PTPRK: variants seen among roughly 807,000 people sequenced by gnomAD.
The protein encoded by PTPRK is receptor-type tyrosine-protein phosphatase kappa.
PTPRK carries 75 observed loss-of-function variants against 178.0 expected under a neutral mutation model. That is an observed-to-expected ratio of 0.42 (90% CI 0.35 to 0.51). PTPRK has a LOEUF of 0.51. Among genes scored for constraint, PTPRK ranks in the 20% least tolerant of loss-of-function variants. The pLI is 0.02. For missense variants in PTPRK, 1,441 were observed against 1,797.8 expected (o/e 0.80, Z 3.59); for synonymous variants, 637 against 620.6 (o/e 1.03, Z -0.39).
intron 13 of PTPRK, among the ~76,000 whole-genome samples, chr6:128,052,220 C>T (rs1779133109): frequency 6.6e-6 from 1 of 152,154 alleles, no homozygotes; most frequent in Non-Finnish European, 1.5e-5. Flanking sequence ...TAAGTGACTG[C>T]CCTGATGCCT....
intron 2 of PTPRK, among the ~76,000 whole-genome samples, chr6:128,338,931 C>T (rs1319287110): frequency 2.0e-5 from 3 of 152,074 alleles, no homozygotes; most frequent in Non-Finnish European, 4.4e-5. Flanking sequence ...TGAGACATCC[C>T]AGCAAAGATG....
chr6:128,146,408 A>ATG lies in PTPRK; in HGVS notation c.1162+38022_1162+38023dup, dbSNP rs978230399. On this transcript the variant is annotated intron_variant, in intron 7 of 29. Coordinates refer to ENST00000368226, the MANE Select transcript of PTPRK (RefSeq NM_002844.4). ...TACCATACTGTTTGTGTGTGTGTTT[A>ATG]TGTGTGTGTGTGTTTATGTGTGTGT... 8.9e-5 allele frequency among the ~76,000 whole-genome samples: 13 copies of ATG among 145,282 alleles called. No individual in the cohort carries two copies. The East Asian group carries it at 2.0e-3, about 23-fold the overall frequency.
chr6:128,378,047 C>T (rs74885763), intron 2 of PTPRK, among the ~76,000 whole-genome samples: 6 of 151,998 alleles, frequency 3.9e-5, no homozygotes, highest in African/African-American at 7.2e-5. Context: ...CTGTGTTTCA[C>T]AAATCTTCAC....
chr6:128,506,302 AT>A (rs1051878525), intron 1 of PTPRK, among the ~76,000 whole-genome samples: 75 of 152,252 alleles, frequency 4.9e-4, no homozygotes, highest in African/African-American at 1.6e-3. Context: ...TTTCTGGTCA[AT>A]TCTTATTTTA....
chr6:128,493,205 G>A (rs1329380192), intron 1 of PTPRK, among the ~76,000 whole-genome samples: 1 of 152,064 alleles, frequency 6.6e-6, no homozygotes, highest in Non-Finnish European at 1.5e-5. Context: ...CTAAAAACTG[G>A]AAATTAAAAC....
intron 7 of PTPRK, among the ~76,000 whole-genome samples, chr6:128,095,299 T>C (rs1787732896): frequency 6.6e-6 from 1 of 152,218 alleles, no homozygotes; most frequent in South Asian, 2.1e-4. Context: ...TATACATTTA[T>C]AAATTGTCAA....
At chr6:128,380,229 T>G (rs1319575205) in intron 2 of PTPRK, among the ~76,000 whole-genome samples, 1 of 151,980 alleles carries the variant, frequency 6.6e-6, no homozygotes, top group African/African-American at 2.4e-5. Flanking sequence ...ATAAAGAATT[T>G]TACATCCTTT....
At chr6:128,142,236 C>A (rs1160947859) in intron 7 of PTPRK, among the ~76,000 whole-genome samples, 1 of 151,914 alleles carries the variant, frequency 6.6e-6, no homozygotes, top group East Asian at 1.9e-4. Flanking sequence ...CCTTTCAGAA[C>A]AAAGTCTCAA....
At chr6:128,049,652 AT>A (rs753033928) in intron 13 of PTPRK, among the ~76,000 whole-genome samples, 5 of 152,148 alleles carry the variant, frequency 3.3e-5, no homozygotes, top group Non-Finnish European at 7.4e-5. Flanking sequence ...TATAATTTAT[AT>A]ATTTGCATGA....
chr6:128,474,292 T>A (rs1851099298), intron 1 of PTPRK, among the ~76,000 whole-genome samples: 2 of 151,950 alleles, frequency 1.3e-5, no homozygotes, highest in Non-Finnish European at 2.9e-5. Flanking sequence ...ATCAAATAGA[T>A]GAAGGGTTCT....
At chr6:128,153,650 C>T (rs186789755) in intron 7 of PTPRK, among the ~76,000 whole-genome samples, 13 of 151,954 alleles carry the variant, frequency 8.6e-5, no homozygotes. Context: ...ATATACTGCC[C>T]TCCCCTTCAA....
At chr6:128,373,984 A>G (rs1187137670) in intron 2 of PTPRK, among the ~76,000 whole-genome samples, 2 of 152,130 alleles carry the variant, frequency 1.3e-5, no homozygotes, top group Admixed American at 6.6e-5. Flanking sequence ...TGTAGCCCCC[A>G]TCCTCTGATT....
intron 1 of PTPRK, among the ~76,000 whole-genome samples, chr6:128,505,517 C>T (rs989517456): frequency 6.6e-6 from 1 of 152,052 alleles, no homozygotes; most frequent in African/African-American, 2.4e-5. Flanking sequence ...CCACCGCAAT[C>T]ACAAAGAAGA....
intron 3 of PTPRK, among the ~76,000 whole-genome samples, chr6:128,245,680 G>A (rs1257796581): frequency 1.3e-5 from 2 of 152,230 alleles, no homozygotes; most frequent in East Asian, 1.9e-4. Flanking sequence ...ATGAACACAG[G>A]AGGGTGTGCA....
intron 7 of PTPRK, among the ~76,000 whole-genome samples, chr6:128,128,473 C>A (rs1404448539): frequency 6.6e-6 from 1 of 152,144 alleles, no homozygotes; most frequent in Admixed American, 6.5e-5. Flanking sequence ...GCCGTCAATT[C>A]TCTTCCCTTG....
chr6:128,280,073 A>C (rs1229368287), intron 3 of PTPRK, among the ~76,000 whole-genome samples: 1 of 152,178 alleles, frequency 6.6e-6, no homozygotes, highest in African/African-American at 2.4e-5. Context: ...GAATAATATC[A>C]ACAGAAACAA....
intron 1 of PTPRK, among the ~76,000 whole-genome samples, chr6:128,442,709 A>G (rs1290636629): frequency 6.6e-6 from 1 of 152,222 alleles, no homozygotes; most frequent in Non-Finnish European, 1.5e-5. Context: ...TTGTGCAAAA[A>G]TGGTAGTACA....
At chr6:128,238,827 A>G (rs527593591) in intron 5 of PTPRK, among the ~76,000 whole-genome samples, 1 of 152,312 alleles carries the variant, frequency 6.6e-6, no homozygotes, top group African/African-American at 2.4e-5. Flanking sequence ...GACACAAAAT[A>G]TGGTATCCTG....
At chr6:128,138,291 T>C (rs1795295941) in intron 7 of PTPRK, among the ~76,000 whole-genome samples, 3 of 152,142 alleles carry the variant, frequency 2.0e-5, no homozygotes, top group Admixed American at 1.3e-4. Context: ...GAATATAAAA[T>C]AGTTTTACAA....
Sources: gnomAD v4.1 joint callset for allele counts (sites outside exome capture counted in the v4.1 genomes callset) on GRCh38, gnomAD v4.1.1 for gene constraint, MANE v1.5 for transcripts, NCBI Gene and HGNC (gene_info 2026-07-23, HGNC 2026-07-21) for gene names.